USH2A: variants seen among roughly 807,000 people sequenced by gnomAD.
The protein encoded by USH2A is usherin, also known as Usher syndrome 2A (autosomal recessive, mild).
A neutral mutation model predicts 538.9 loss-of-function variants in USH2A; 443 were observed. That is an observed-to-expected ratio of 0.82 (90% confidence interval 0.76 to 0.89). USH2A has a LOEUF of 0.89. Ranked by LOEUF, USH2A falls within the 40% of genes least tolerant of loss-of-function variation. USH2A has a pLI of 0.00. For synonymous variants in USH2A, 2,413 were observed against 2,273.5 expected (o/e 1.06, Z -1.75); for missense variants, 6,633 against 6,324.8 (o/e 1.05, Z -1.65).
chr1:215,647,387 A>C, intron 67 of USH2A, 135 bp downstream of exon 67: 1 of 1,095,950 alleles, frequency 9.1e-7, no homozygotes, highest in Non-Finnish European at 1.4e-6. Context: ...CATCCTCATC[A>C]ATGCTTCAGT....
At chr1:216,184,198 A>G (rs2034548874) in intron 20 of USH2A, among the ~76,000 whole-genome samples, 2 of 152,190 alleles carry the variant, frequency 1.3e-5, no homozygotes, top group South Asian at 4.1e-4. Context: ...CTTGAAATAA[A>G]TAATTGGATA....
chr1:215,807,157 A>G (rs1370241854), intron 49 of USH2A, among the ~76,000 whole-genome samples: 1 of 152,128 alleles, frequency 6.6e-6, no homozygotes, highest in East Asian at 1.9e-4. Context: ...GAAGGGGTCC[A>G]CAAGCCAAAG....
intron 19 of USH2A, chr1:216,194,298 C>G (rs920273826): frequency 6.6e-6 from 1 of 151,948 alleles, no homozygotes; most frequent in Non-Finnish European, 1.5e-5. Context: ...TGGTGAACTG[C>G]GATGAGTTAC....
intron 38 of USH2A, among the ~76,000 whole-genome samples, chr1:215,902,949 G>A (rs61828258): frequency 0.15 from 22,068 of 152,042 alleles, 1,704 homozygotes; most frequent in Non-Finnish European, 0.15. Context: ...GGCTGAGATG[G>A]TGAAATAAAC....
chr1:216,001,645 G>A (rs1340719764), intron 32 of USH2A, among the ~76,000 whole-genome samples: 2 of 152,042 alleles, frequency 1.3e-5, no homozygotes, highest in Non-Finnish European at 2.9e-5. Context: ...CACAATTTAA[G>A]TAACACAGAT....
At chr1:216,399,712 G>C (rs142000621) in intron 3 of USH2A, among the ~76,000 whole-genome samples, 1 of 152,206 alleles carries the variant, frequency 6.6e-6, no homozygotes, top group Non-Finnish European at 1.5e-5. Context: ...GCTCAGTGGG[G>C]AGTTAGGAAT....
intron 21 of USH2A, among the ~76,000 whole-genome samples, chr1:216,143,938 C>T (rs886176970): frequency 4.6e-4 from 70 of 152,194 alleles, no homozygotes; most frequent in African/African-American, 1.6e-3. Context: ...TCCAGACTGC[C>T]GTTTTGACTA....
chr1:216,212,647 CG>C (rs1422003047), intron 15 of USH2A, among the ~76,000 whole-genome samples: 1 of 150,890 alleles, frequency 6.6e-6, no homozygotes, highest in African/African-American at 2.4e-5. Flanking sequence ...AATGTCTCCC[CG>C]TCAGGGTTAT....
intron 35 of USH2A, among the ~76,000 whole-genome samples, chr1:215,989,971 A>G (rs920828552): frequency 6.6e-6 from 1 of 152,168 alleles, no homozygotes; most frequent in Non-Finnish European, 1.5e-5. Context: ...CTACTTATTC[A>G]ATTGGTGCTC....
intron 11 of USH2A, among the ~76,000 whole-genome samples, chr1:216,252,779 G>C (rs2036187756): frequency 6.6e-6 from 1 of 152,090 alleles, no homozygotes; most frequent in Non-Finnish European, 1.5e-5. Context: ...TAGTCCAAAG[G>C]ATACAAAATC....
intron 17 of USH2A, 57 bp downstream of exon 17, chr1:216,199,570 A>G (rs931407609): frequency 1.2e-6 from 2 of 1,612,024 alleles, no homozygotes; most frequent in African/African-American, 2.7e-5. Context: ...GCACAATTAC[A>G]ATAGATTCTC....
At chr1:216,276,602 G>A (rs1571650042) in intron 11 of USH2A, among the ~76,000 whole-genome samples, 1 of 152,060 alleles carries the variant, frequency 6.6e-6, no homozygotes, top group Admixed American at 6.6e-5. Flanking sequence ...TTTCACGCTG[G>A]TGATAAAGAC....
intron 60 of USH2A, among the ~76,000 whole-genome samples, chr1:215,736,830 C>T (rs1037326675): frequency 3.3e-4 from 50 of 152,022 alleles, no homozygotes; most frequent in African/African-American, 1.2e-3. Context: ...ATTTGGAAGA[C>T]TGACCCTGTA....
chr1:215,654,679 A>G (rs1318867942), intron 64 of USH2A, among the ~76,000 whole-genome samples: 1 of 152,234 alleles, frequency 6.6e-6, no homozygotes, highest in Non-Finnish European at 1.5e-5. Flanking sequence ...ACTACTTTTA[A>G]TAAGCATAAA....
intron 21 of USH2A, among the ~76,000 whole-genome samples, chr1:216,141,628 C>T (rs372264136): frequency 1.3e-5 from 2 of 152,220 alleles, no homozygotes; most frequent in South Asian, 4.1e-4. Context: ...TTGTCTATAC[C>T]TAGCATTGGA....
intron 38 of USH2A, among the ~76,000 whole-genome samples, chr1:215,909,090 A>G (rs769267197): frequency 1.3e-5 from 2 of 151,180 alleles, no homozygotes; most frequent in East Asian, 1.9e-4. Context: ...ATGTGTGTGT[A>G]TATATATAAT....
intron 64 of USH2A, among the ~76,000 whole-genome samples, chr1:215,658,233 A>G (rs115137658): frequency 6.6e-6 from 1 of 152,030 alleles, no homozygotes; most frequent in African/African-American, 2.4e-5. Context: ...TAAATAATCA[A>G]AATTTGGAGT....
chr1:215,937,101 A>T (rs1666520730), intron 37 of USH2A, among the ~76,000 whole-genome samples: 2 of 152,098 alleles, frequency 1.3e-5, no homozygotes, highest in South Asian at 4.1e-4. Context: ...TCTGGACCCA[A>T]AATTGGCACA....
intron 13 of USH2A, among the ~76,000 whole-genome samples, chr1:216,239,259 C>G (rs564107128): frequency 1.8e-4 from 27 of 152,118 alleles, no homozygotes; most frequent in African/African-American, 6.3e-4. Context: ...ATATATGATA[C>G]TTAGGTCACT....
Sources: allele counts gnomAD v4.1 joint callset (sites outside exome capture counted in the v4.1 genomes callset), GRCh38; gene constraint gnomAD v4.1.1; transcripts MANE v1.5; gene names NCBI Gene and HGNC (gene_info 2026-07-23, HGNC 2026-07-21).